Variants in CAMSAP2 observed in about 807,000 individuals in gnomAD.
CAMSAP2 encodes the protein calmodulin regulated spectrin associated protein family member 2.
A neutral mutation model predicts 146.1 loss-of-function variants in CAMSAP2; 26 were observed. The ratio of observed to expected loss-of-function variants is 0.18; its 90% CI spans 0.13 to 0.25. The LOEUF is 0.25. CAMSAP2 is among the 10% of genes least tolerant of loss of function. CAMSAP2 has a pLI of 1.00. For missense variants in CAMSAP2, 1,381 were observed against 1,759.3 expected (o/e 0.78, Z 3.85); for synonymous variants, 499 against 596.6 (o/e 0.84, Z 2.38).
chr1:200,857,676 T>G lies in CAMSAP2; in HGVS notation c.4132-78T>G. On this transcript the variant is annotated intron_variant, in intron 16 of 16. Transcript: ENST00000358823. This position sits in a 1 kb window ranked among gnomAD's most constrained non-coding sequence, Gnocchi z 4.7. ...TAAAATGTGACTAAGAAACGTAACA[T>G]AATTATATAAACTTTATTCAGCAAA... 8.1e-7 allele frequency: 1 copy of G among 1,235,400 alleles called. No individual in the cohort carries two copies. Among genetic ancestry groups the G allele is most frequent in the Non-Finnish European group, 1.1e-6 (1 of 888,584 alleles). 76.5% of individuals were successfully genotyped at this position (1,235,400 alleles called of 1,614,324 possible).
At chr1:200,833,132 C>A (rs1345856206) in intron 6 of CAMSAP2, among the ~76,000 whole-genome samples, 3 of 152,110 alleles carry the variant, frequency 2.0e-5, no homozygotes, top group Non-Finnish European at 4.4e-5. Flanking sequence ...GACCTAGCAA[C>A]TTTAAGCTTA....
intron 2 of CAMSAP2, among the ~76,000 whole-genome samples, chr1:200,781,590 G>A (rs752179887): frequency 1.3e-5 from 2 of 151,970 alleles, no homozygotes; most frequent in African/African-American, 2.4e-5. Flanking sequence ...TGCTCAGCTT[G>A]AAGTGCAGTG....
At chr1:200,775,556 G>C (rs1665246788) in intron 2 of CAMSAP2, among the ~76,000 whole-genome samples, 1 of 152,046 alleles carries the variant, frequency 6.6e-6, no homozygotes, top group Admixed American at 6.6e-5. Context: ...TTGAGATGGA[G>C]TCTCACTCTG....
chr1:200,796,238 CT>C (rs572251984), intron 2 of CAMSAP2, among the ~76,000 whole-genome samples: 93 of 152,212 alleles, frequency 6.1e-4, no homozygotes, highest in African/African-American at 2.1e-3. Flanking sequence ...TAACTATTTG[CT>C]GTTCAATAGT....
intron 4 of CAMSAP2, among the ~76,000 whole-genome samples, chr1:200,822,355 G>A (rs773355997): frequency 7.9e-5 from 12 of 151,804 alleles, no homozygotes; most frequent in South Asian, 2.1e-4. Context: ...AATTTATTTC[G>A]CTGTCATATC....
At chr1:200,753,333 G>A (rs1057338295) in intron 1 of CAMSAP2, among the ~76,000 whole-genome samples, 1 of 150,994 alleles carries the variant, frequency 6.6e-6, no homozygotes, top group Non-Finnish European at 1.5e-5. Flanking sequence ...AGCACCCTTA[G>A]CTGTGTGCTG....
intron 1 of CAMSAP2, 72 bp downstream of exon 1, chr1:200,740,038 C>T (rs770980152): frequency 4.3e-5 from 66 of 1,521,780 alleles, no homozygotes; most frequent in Non-Finnish European, 5.3e-5. Context: ...GTTCCCGATT[C>T]TCGAATCCCT....
Position 200,854,325 on chromosome 1 carries a change from C to T in CAMSAP2, c.3824-492C>T, listed in dbSNP as rs1196020245. On this transcript the variant is annotated intron_variant, in intron 13 of 16. Transcript: ENST00000358823. ...AAATCTTGGGGGGCAGGGATAAATT[C>T]GTAAAAATAAAAGAAATCTTTATTA... Among the ~76,000 whole-genome samples, 6 of 151,800 alleles carry T rather than the reference C, an allele frequency of 4.0e-5. No homozygotes were observed. In the South Asian group the frequency reaches 1.0e-3, roughly 26 times the overall value.
At chr1:200,828,574 C>A in intron 4 of CAMSAP2, 1 of 1,550,046 alleles carries the variant, frequency 6.5e-7, no homozygotes, top group South Asian at 1.2e-5. Context: ...CCTCTGAAGT[C>A]TCCTTCCAAA....
rs1243397987 is a variant in CAMSAP2, at chr1:200,852,659, A to T, written c.3584A>T (p.His1195Leu). ...RKQQLEAEMEHKKEETRRKTE... is the reference protein window; with the variant it reads ...RKQQLEAEMELKKEETRRKTE... ...CAACAGTTGGAAGCAGAAATGGAGCATAAGAAGGAGGAAACAAGGTAAAGG... is the reference window on the plus strand; with the variant it reads ...CAACAGTTGGAAGCAGAAATGGAGCTTAAGAAGGAGGAAACAAGGTAAAGG... Residue 1195 changes from histidine to leucine, a missense_variant, in exon 12 of 17, where the codon CAT (histidine) becomes CTT (leucine). By Grantham distance (99) the His-to-Leu change is moderately conservative. Around this residue, in one of 4 missense-constraint regions of CAMSAP2, gnomAD observed 560 missense variants for 715.9 expected, o/e 0.78. Transcript: ENST00000358823. The T allele has an allele frequency of 6.2e-7, 1 of 1,613,296 alleles. No individual in the cohort carries two copies. The highest frequency in any genetic ancestry group is 8.5e-7 in the Non-Finnish European group (1 of 1,179,850).
rs1667778737 is a variant in CAMSAP2, at chr1:200,857,538, G to T, written c.4131+114G>T. On this transcript the variant is annotated intron_variant, in intron 16 of 16. Transcript: ENST00000358823. The surrounding 1 kb of genome is among the most constrained non-coding windows in gnomAD (Gnocchi z 4.7). ...TCAACAGCATGTAAAAAGATCTGTA[G>T]CTAGATGTTTTAATTATCAGATTTA... 7 of 819,900 alleles carry T rather than the reference G, an allele frequency of 8.5e-6. No homozygotes were observed. In the South Asian group the frequency reaches 1.2e-4, roughly 14 times the overall value. The allele number at this position is 819,900 out of a possible 1,614,324, so 50.8% of individuals were successfully genotyped here. A position where few individuals can be genotyped will look rare whatever the true frequency, so the allele number is the denominator to read the frequency against.
At chr1:200,747,159 A>C (rs1027420968) in intron 1 of CAMSAP2, among the ~76,000 whole-genome samples, 5 of 152,066 alleles carry the variant, frequency 3.3e-5, no homozygotes, top group Non-Finnish European at 5.9e-5. Flanking sequence ...TCGGCTTCCC[A>C]AAGTGTTGGG....
intron 1 of CAMSAP2, among the ~76,000 whole-genome samples, chr1:200,744,165 G>A (rs1469942992): frequency 1.3e-5 from 2 of 152,142 alleles, no homozygotes; most frequent in Non-Finnish European, 2.9e-5. Flanking sequence ...GCTGGGATCT[G>A]AACCCAGGGA....
intron 2 of CAMSAP2, among the ~76,000 whole-genome samples, chr1:200,800,120 G>A (rs1322191618): frequency 6.6e-6 from 1 of 152,184 alleles, no homozygotes; most frequent in African/African-American, 2.4e-5. Context: ...AGTGCAATGT[G>A]GTTCTGAGAA....
intron 2 of CAMSAP2, among the ~76,000 whole-genome samples, chr1:200,780,333 G>C (rs1377779018): frequency 6.6e-6 from 1 of 152,108 alleles, no homozygotes; most frequent in Non-Finnish European, 1.5e-5. Context: ...AGCTGATACA[G>C]TTAAAAAAAC....
intron 6 of CAMSAP2, among the ~76,000 whole-genome samples, chr1:200,838,089 C>T (rs746968765): frequency 1.1e-4 from 17 of 152,096 alleles, no homozygotes; most frequent in African/African-American, 2.7e-4. Context: ...GCTGTTTAAT[C>T]GTCATGAACT....
chr1:200,789,514 G>T (rs1000537317), intron 2 of CAMSAP2, among the ~76,000 whole-genome samples: 1 of 151,948 alleles, frequency 6.6e-6, no homozygotes, highest in African/African-American at 2.4e-5. Context: ...ATTCTGTTCC[G>T]GTGATCTATT....
chr1:200,848,325 T>G lies in CAMSAP2; in HGVS notation c.1556T>G (p.Leu519Arg). 2 of 1,613,842 alleles carry G rather than the reference T, an allele frequency of 1.2e-6. No individual in the cohort carries two copies. The highest frequency in any genetic ancestry group is 1.7e-5 in the Admixed American group (1 of 59,970). The change falls in exon 11 of 17, where the codon CTT becomes CGT. Residue 519 changes from leucine (L) to arginine (R), a missense_variant. Coordinates refer to ENST00000358823, the MANE Select transcript of CAMSAP2 (RefSeq NM_203459.4). ...LNSNENIHYK[L>R]PNGALQNRIL... is the part of the protein sequence containing the mutation. ...TCTAATGAGAATATTCATTACAAGC[T>G]TCCAAATGGAGCTTTACAAAATAGA...
intron 4 of CAMSAP2, among the ~76,000 whole-genome samples, chr1:200,827,830 A>G (rs923324250): frequency 2.0e-5 from 3 of 152,190 alleles, no homozygotes; most frequent in Non-Finnish European, 4.4e-5. Flanking sequence ...AGCAGATACA[A>G]AGATAAACAA....
Sources: gnomAD v4.1 joint callset for allele counts (sites outside exome capture counted in the v4.1 genomes callset) on GRCh38, gnomAD v4.1.1 for gene constraint, gnomAD v4.1.1 regional missense constraint, Gnocchi (gnomAD v3.1) non-coding constraint, MANE v1.5 for transcripts, NCBI Gene and HGNC (gene_info 2026-07-23, HGNC 2026-07-21) for gene names.